Variants in IFT57 observed in about 807,000 individuals in gnomAD.
IFT57 encodes intraflagellar transport protein 57 homolog.
IFT57 carries 59 observed loss-of-function variants against 56.8 expected under a neutral mutation model. The ratio of observed to expected loss-of-function variants is 1.04; its 90% CI spans 0.84 to 1.29. IFT57 has a LOEUF of 1.29. IFT57 is among the 50% of genes most tolerant of loss of function. IFT57 has a pLI of 0.00. For synonymous variants in IFT57, 209 were observed against 186.1 expected (o/e 1.12, Z -1.00); for missense variants, 470 against 522.1 (o/e 0.90, Z 0.97).
chr3:108,188,233 G>A (rs762435613), intron 6 of IFT57, among the ~76,000 whole-genome samples: 2 of 152,126 alleles, frequency 1.3e-5, no homozygotes, highest in African/African-American at 2.4e-5. Flanking sequence ...GAATGAGTCT[G>A]TGAGAAGAGA....
In IFT57 at chr3:108,174,118, T is replaced by C. The variant is rs377200847; in HGVS notation, c.778-6254A>G. On this transcript the variant is annotated intron_variant, in intron 6 of 10. Coordinates refer to ENST00000264538, the MANE Select transcript of IFT57 (RefSeq NM_018010.4). Reference sequence around the variant, plus strand: ...ATTCCAGAATATTCTAAATTTCCTATAAGGAAATTGTATTACTTTAATTAT... The same window carrying C: ...ATTCCAGAATATTCTAAATTTCCTACAAGGAAATTGTATTACTTTAATTAT... Among the ~76,000 whole-genome samples, 17 of 151,266 alleles carry C rather than the reference T, an allele frequency of 1.1e-4. No homozygotes were observed. In the East Asian group the frequency reaches 3.1e-3, roughly 28 times the overall value.
At chr3:108,206,553 T>C in intron 5 of IFT57, 75 bp downstream of exon 5, 1 of 616,228 alleles carries the variant, frequency 1.6e-6, no homozygotes, top group Non-Finnish European at 2.7e-6. Flanking sequence ...AACAACGGTT[T>C]CTACTCATTT....
intron 6 of IFT57, among the ~76,000 whole-genome samples, chr3:108,175,533 A>G (rs1173881255): frequency 6.6e-6 from 1 of 151,828 alleles, no homozygotes; most frequent in African/African-American, 2.4e-5. Flanking sequence ...ATCAAAAAGT[A>G]TGAGATGTAG....
rs2080147523 is a variant in IFT57, at chr3:108,180,764, A to T, written c.777+10757T>A. On this transcript the variant is annotated intron_variant, in intron 6 of 10. Transcript: ENST00000264538. ...ATTAGAAAAATGAGTCAAGCCAATAAAAAGTATATTTTATAGCAAGGTCCA... is the reference window on the plus strand; with the variant it reads ...ATTAGAAAAATGAGTCAAGCCAATATAAAGTATATTTTATAGCAAGGTCCA... Among the ~76,000 whole-genome samples, 3 of 152,204 alleles carry T rather than the reference A, an allele frequency of 2.0e-5. No homozygotes were observed. The South Asian group carries it at 6.2e-4, about 32-fold the overall frequency.
At chr3:108,219,347 A>AAT (rs1210660219) in intron 2 of IFT57, 63 bp downstream of exon 2, 26 of 1,370,978 alleles carry the variant, frequency 1.9e-5, no homozygotes, top group Non-Finnish European at 2.7e-5. Flanking sequence ...ATTTGTTATT[A>AAT]AATTACCAGT....
chr3:108,170,696 A>G (rs888084341), intron 6 of IFT57, among the ~76,000 whole-genome samples: 50 of 151,716 alleles, frequency 3.3e-4, no homozygotes, highest in African/African-American at 9.2e-4. Context: ...ACAGCCAAAA[A>G]AATCCTAAGC....
At chr3:108,200,521 T>G (rs1346037711) in intron 5 of IFT57, among the ~76,000 whole-genome samples, 1 of 152,148 alleles carries the variant, frequency 6.6e-6, no homozygotes, top group Admixed American at 6.5e-5. Flanking sequence ...AAAAAATGTA[T>G]ATAGTCTGGT....
intron 5 of IFT57, among the ~76,000 whole-genome samples, chr3:108,203,977 A>G (rs1245226705): frequency 6.6e-6 from 1 of 152,212 alleles, no homozygotes; most frequent in East Asian, 1.9e-4. Flanking sequence ...GTTCTAGTGA[A>G]GAATTCATCA....
At chr3:108,202,964 T>C (rs969109373) in intron 5 of IFT57, among the ~76,000 whole-genome samples, 9 of 152,226 alleles carry the variant, frequency 5.9e-5, no homozygotes, top group Non-Finnish European at 1.3e-4. Flanking sequence ...ATGGTATCTC[T>C]TTACAAATTC....
intron 6 of IFT57, among the ~76,000 whole-genome samples, chr3:108,173,764 CTCTGTGTG>C (rs1385285344): frequency 9.8e-6 from 1 of 101,604 alleles, no homozygotes; most frequent in Non-Finnish European, 1.8e-5. Context: ...AAGTCAGGGA[CTCTGTGTG>C]TGTGTGTGTG....
At chr3:108,197,560 T>A (rs868038452) in intron 5 of IFT57, among the ~76,000 whole-genome samples, 9 of 152,160 alleles carry the variant, frequency 5.9e-5, no homozygotes, top group Non-Finnish European at 1.0e-4. Flanking sequence ...TGGTCAAGCA[T>A]CAAAGAAAGG....
At position 108,167,461 on chromosome 3, in the gene IFT57, G is replaced by C. The variant is rs181769669; in HGVS notation, c.849+332C>G. Among the ~76,000 whole-genome samples, 21 of 151,914 alleles carry C rather than the reference G, an allele frequency of 1.4e-4. No individual in the cohort carries two copies. In the East Asian group the frequency reaches 2.3e-3, roughly 17 times the overall value. On this transcript the variant is annotated intron_variant, in intron 7 of 10. Coordinates refer to ENST00000264538, the MANE Select transcript of IFT57 (RefSeq NM_018010.4). ...GCAGGACAGCAAGCCTGCGGAGGCT[G>C]TAAGTTCTAGACCTTGCTGGTCTGG...
At chr3:108,172,675 A>G (rs1323854762) in intron 6 of IFT57, among the ~76,000 whole-genome samples, 1 of 151,828 alleles carries the variant, frequency 6.6e-6, no homozygotes, top group African/African-American at 2.4e-5. Flanking sequence ...AAACTTGAAG[A>G]CTGACTAAAG....
At chr3:108,162,796 A>C in intron 10 of IFT57, 141 bp from the exon 11 acceptor site, 2 of 618,364 alleles carry the variant, frequency 3.2e-6, no homozygotes, top group Admixed American at 3.6e-5. Flanking sequence ...ACATTCACAC[A>C]GTTTTGCTGT....
chr3:108,210,022 A>C (rs2080335253), intron 4 of IFT57, among the ~76,000 whole-genome samples: 1 of 152,182 alleles, frequency 6.6e-6, no homozygotes, highest in Non-Finnish European at 1.5e-5. Flanking sequence ...GAGAGCATTC[A>C]AGAGGAATTC....
intron 3 of IFT57, among the ~76,000 whole-genome samples, chr3:108,214,413 AT>A (rs930252059): frequency 5.8e-4 from 89 of 152,268 alleles, no homozygotes; most frequent in African/African-American, 2.1e-3. Flanking sequence ...GCTGGACAAT[AT>A]TGCAAAGATC....
At chr3:108,206,043 T>C (rs1236244397) in intron 5 of IFT57, among the ~76,000 whole-genome samples, 10 of 119,428 alleles carry the variant, frequency 8.4e-5, no homozygotes, top group Non-Finnish European at 1.7e-4. Flanking sequence ...ATTTATAATA[T>C]ATATTATATA....
chr3:108,214,866 T>G (rs2080362495), intron 3 of IFT57, among the ~76,000 whole-genome samples: 1 of 152,214 alleles, frequency 6.6e-6, no homozygotes, highest in Non-Finnish European at 1.5e-5. Context: ...TAATCTTGGC[T>G]ATTCAAGATT....
chr3:108,208,830 T>C (rs767840426), intron 4 of IFT57, among the ~76,000 whole-genome samples: 7 of 152,202 alleles, frequency 4.6e-5, no homozygotes, highest in Non-Finnish European at 7.3e-5. Flanking sequence ...ATTGATCCTA[T>C]TAACAGGACA....
Sources: gnomAD v4.1 joint callset for allele counts (sites outside exome capture counted in the v4.1 genomes callset) on GRCh38, gnomAD v4.1.1 for gene constraint, MANE v1.5 for transcripts, NCBI Gene and HGNC (gene_info 2026-07-23, HGNC 2026-07-21) for gene names.